DMD: variants seen among roughly 807,000 people sequenced by gnomAD.
DMD encodes the protein mutant dystrophin.
A neutral mutation model predicts 330.1 loss-of-function variants in DMD; 63 were observed. The observed-to-expected ratio is 0.19, with a 90% CI of 0.16 to 0.24. DMD has a LOEUF of 0.24. Ranked by LOEUF, DMD falls within the 10% of genes least tolerant of loss-of-function variation. DMD has a pLI of 1.00. For missense variants in DMD, 3,344 were observed against 2,684.1 expected (o/e 1.25, Z -5.43); for synonymous variants, 1,223 against 959.8 (o/e 1.27, Z -5.07).
chrX:31,275,556 T>TA (rs2052043433), intron 62 of DMD, among the ~76,000 whole-genome samples: 1 of 111,315 alleles, frequency 9.0e-6, no homozygotes. Flanking sequence ...ATATGATGGA[T>TA]AGAGAAGAAA....
At position 32,785,143 on chromosome X, in the gene DMD, T is replaced by C. The variant is rs375806123; in HGVS notation, c.649+24350A>G. Among the ~76,000 whole-genome samples, 4 of 109,291 alleles carry C rather than the reference T, an allele frequency of 3.7e-5. No individual in the cohort carries two copies. In the East Asian group the frequency reaches 1.1e-3, roughly 31 times the overall value. 94.9% of individuals were successfully genotyped at this position (109,291 alleles called of 115,157 possible). On this transcript the variant is annotated intron_variant, in intron 7 of 78. Coordinates refer to ENST00000357033, the MANE Select transcript of DMD (RefSeq NM_004006.3). ...TTAATGATGTGGTCAAATCAACCCA[T>C]TGGAAAAAATCTTAGTCTACTCAGC...
chrX:32,730,973 T>C (rs1025245248), intron 7 of DMD, among the ~76,000 whole-genome samples: 1 of 111,106 alleles, frequency 9.0e-6, no homozygotes, highest in Non-Finnish European at 1.9e-5. Flanking sequence ...AGAAGACGGG[T>C]GATTTCTGCA....
At chrX:32,003,363 T>C (rs1242966970) in intron 44 of DMD, among the ~76,000 whole-genome samples, 1 of 112,000 alleles carries the variant, frequency 8.9e-6, no homozygotes, top group Non-Finnish European at 1.9e-5. Context: ...ACTATTTTAA[T>C]GTTACAATGG....
intron 55 of DMD, among the ~76,000 whole-genome samples, chrX:31,611,452 T>C (rs2077912870): frequency 8.9e-6 from 1 of 111,790 alleles, no homozygotes; most frequent in Admixed American, 9.5e-5. Context: ...CCTTAATACT[T>C]CTATTAAAAA....
chrX:33,132,670 T>C (rs2095506076), intron 1 of DMD, among the ~76,000 whole-genome samples: 1 of 112,661 alleles, frequency 8.9e-6, no homozygotes, highest in South Asian at 3.6e-4. Flanking sequence ...TCACCAGGCT[T>C]TCCAGCTATA....
intron 30 of DMD, 103 bp from the exon 31 acceptor site, chrX:32,390,284 A>C (rs1373389286): frequency 1.6e-6 from 1 of 609,693 alleles, no homozygotes; most frequent in Non-Finnish European, 2.7e-6. Context: ...TCTACCATGT[A>C]GCTTCCTTTA....
intron 1 of DMD, among the ~76,000 whole-genome samples, chrX:33,105,920 A>G (rs5972753): frequency 1.6e-4 from 18 of 110,070 alleles, no homozygotes; most frequent in Non-Finnish European, 3.4e-4. Flanking sequence ...CTAATACTGC[A>G]TATCTACCAA....
chrX:31,560,134 A>C (rs761161900), intron 55 of DMD, among the ~76,000 whole-genome samples: 1 of 111,999 alleles, frequency 8.9e-6, no homozygotes, highest in South Asian at 3.7e-4. Flanking sequence ...TTCAAATCTT[A>C]GGTGAGGAAT....
intron 45 of DMD, among the ~76,000 whole-genome samples, chrX:31,949,206 T>C (rs2095127237): frequency 9.0e-6 from 1 of 111,509 alleles, no homozygotes; most frequent in Non-Finnish European, 1.9e-5. Context: ...TGCTAAGATG[T>C]CGATGGAGAT....
intron 17 of DMD, among the ~76,000 whole-genome samples, chrX:32,528,879 C>G (rs184095626): frequency 0.02 from 1,910 of 95,764 alleles, 51 homozygotes; most frequent in Admixed American, 0.066. Flanking sequence ...AGTTGTCCTG[C>G]CTTTCTGGAC....
intron 60 of DMD, among the ~76,000 whole-genome samples, chrX:31,372,551 G>T (rs1029470036): frequency 3.6e-5 from 4 of 111,944 alleles, no homozygotes; most frequent in African/African-American, 1.3e-4. Flanking sequence ...GTTAAACACT[G>T]TTCTGTCCCA....
Position 32,085,640 on chromosome X carries a change from GTA to G in DMD, c.6439-117128_6439-117127del, listed in dbSNP as rs748764731. 1.7e-4 allele frequency among the ~76,000 whole-genome samples: 14 copies of G among 80,408 alleles called. 1 individual carries two copies. Among genetic ancestry groups the G allele is most frequent in the Non-Finnish European group, 2.5e-4 (11 of 43,982 alleles). 69.8% of individuals were successfully genotyped at this position (80,408 alleles called of 115,157 possible). A position where few individuals can be genotyped will look rare whatever the true frequency, so the allele number is the denominator to read the frequency against. ...TACGTATATATATACACATATATAC[GTA>G]TATATATGTGTGTATATATACGTAT... is the stretch of plus-strand genomic sequence containing the variant. On this transcript the variant is annotated intron_variant, in intron 44 of 78. Coordinates refer to ENST00000357033, the MANE Select transcript of DMD (RefSeq NM_004006.3).
intron 44 of DMD, among the ~76,000 whole-genome samples, chrX:32,078,245 A>AG (rs2096367232): frequency 9.0e-6 from 1 of 111,677 alleles, no homozygotes; most frequent in African/African-American, 3.3e-5. Context: ...TAAACATTAA[A>AG]GAGTTAACAC....
intron 7 of DMD, among the ~76,000 whole-genome samples, chrX:32,778,368 G>A (rs1055123760): frequency 1.8e-5 from 2 of 110,739 alleles, no homozygotes; most frequent in Non-Finnish European, 3.8e-5. Flanking sequence ...CTACCATTGA[G>A]GGCAGTTTGT....
At chrX:31,321,121 T>C (rs2148274235) in intron 62 of DMD, among the ~76,000 whole-genome samples, 1 of 111,979 alleles carries the variant, frequency 8.9e-6, no homozygotes, top group Admixed American at 9.5e-5. Context: ...GAATTTACAT[T>C]ATGTTCATTA....
chrX:31,170,241 C>A (rs191137654), intron 73 of DMD, among the ~76,000 whole-genome samples: 66 of 111,719 alleles, frequency 5.9e-4, no homozygotes, highest in Non-Finnish European at 1.0e-3. Flanking sequence ...TAAAAGAAGA[C>A]TGAACATCTC....
intron 2 of DMD, among the ~76,000 whole-genome samples, chrX:32,863,370 A>G (rs1217626851): frequency 9.2e-6 from 1 of 108,920 alleles, no homozygotes; most frequent in Non-Finnish European, 1.9e-5. Flanking sequence ...TACAAAAGTT[A>G]GCTGGGCATG....
chrX:33,268,979 A>G (rs780109629), intron 1 of DMD, among the ~76,000 whole-genome samples: 1 of 109,935 alleles, frequency 9.1e-6, no homozygotes, highest in East Asian at 2.9e-4. Flanking sequence ...GTGCTTATAC[A>G]CTGTTGGTTG....
intron 44 of DMD, among the ~76,000 whole-genome samples, chrX:32,211,895 C>T (rs1350775785): frequency 8.9e-6 from 1 of 112,005 alleles, no homozygotes; most frequent in Non-Finnish European, 1.9e-5. Context: ...CTACTGGCAA[C>T]TACAAACATT....
Sources: allele counts gnomAD v4.1 joint callset (sites outside exome capture counted in the v4.1 genomes callset), GRCh38; gene constraint gnomAD v4.1.1; transcripts MANE v1.5; gene names NCBI Gene and HGNC (gene_info 2026-07-23, HGNC 2026-07-21).